The following DPRX variants were observed in gnomAD, a reference collection of about 807,000 sequenced individuals.
DPRX encodes the protein divergent-paired related homeobox.
Under a neutral mutation model 8.4 loss-of-function variants are expected in DPRX, and 11 were observed. That is an observed-to-expected ratio of 1.31 (90% CI 0.82 to 2.17). DPRX has a LOEUF of 2.17. Among genes scored for constraint, DPRX ranks in the 30% most tolerant of loss-of-function variants. DPRX has a pLI of 0.00. For synonymous variants in DPRX, 72 were observed against 87.0 expected (o/e 0.83, Z 0.96); for missense variants, 211 against 236.7 (o/e 0.89, Z 0.71).
the DPRX span, among the ~76,000 whole-genome samples, chr19:53,611,256 T>C: frequency 6.6e-6 from 1 of 151,890 alleles, no homozygotes; most frequent in Non-Finnish European, 1.5e-5. Context: ...CAAAAAGTGC[T>C]CTCATGATAA....
chr19:53,611,525 G>A, the DPRX span, among the ~76,000 whole-genome samples: 4 of 152,154 alleles, frequency 2.6e-5, no homozygotes, highest in Middle Eastern at 3.4e-3. Context: ...GAGCCTCCGC[G>A]CCTGGCCCTA....
At chr19:53,634,554 A>G (rs200068987) in exon 2 of DPRX, 1 of 1,613,594 alleles carries the variant, frequency 6.2e-7, no homozygotes, top group Non-Finnish European at 8.5e-7. Flanking sequence ...GCATTCACAC[A>G]GGAAACGAAC....
the DPRX span, among the ~76,000 whole-genome samples, chr19:53,619,719 G>A: frequency 6.6e-6 from 1 of 151,174 alleles, no homozygotes; most frequent in African/African-American, 2.4e-5. Context: ...GCTGGGCCTG[G>A]TGGCAGACGC....
the DPRX span, among the ~76,000 whole-genome samples, chr19:53,624,829 C>CAA: frequency 0.019 from 1,698 of 87,498 alleles, 48 homozygotes; most frequent in African/African-American, 0.047. Context: ...GCGACAGTCA[C>CAA]AAAAAAAAAA....
At chr19:53,628,413 G>A (rs1340233787), upstream of DPRX, among the ~76,000 whole-genome samples, 2 of 152,218 alleles carry the variant, frequency 1.3e-5, no homozygotes, top group East Asian at 3.9e-4. Flanking sequence ...CAGCATGAGG[G>A]AAAGCAGGTC....
the DPRX span, among the ~76,000 whole-genome samples, chr19:53,623,961 T>A: frequency 1.8e-5 from 2 of 109,504 alleles, no homozygotes; most frequent in Non-Finnish European, 4.2e-5. Context: ...AAAAAATAAA[T>A]AAATAAATAA....
upstream of DPRX, chr19:53,629,763 G>C (rs980020223): frequency 6.6e-6 from 1 of 151,950 alleles, no homozygotes; most frequent in Non-Finnish European, 1.5e-5. Flanking sequence ...GGAGGCTGAG[G>C]CGGGAGGATG....
chr19:53,616,630 T>C, the DPRX span, among the ~76,000 whole-genome samples: 2 of 152,192 alleles, frequency 1.3e-5, no homozygotes, highest in Admixed American at 1.3e-4. Flanking sequence ...GGTGCATGCC[T>C]GTAATTCCGG....
chr19:53,620,571 G>C, the DPRX span, among the ~76,000 whole-genome samples: 1 of 151,480 alleles, frequency 6.6e-6, no homozygotes, highest in African/African-American at 2.4e-5. Flanking sequence ...CACCATGTTG[G>C]TCAGGCTGGT....
chr19:53,627,552 T>G (rs1310832786), upstream of DPRX, among the ~76,000 whole-genome samples: 7 of 149,870 alleles, frequency 4.7e-5, no homozygotes, highest in African/African-American at 1.5e-4. Flanking sequence ...TTCTCCTGCC[T>G]CAGCCTCCCC....
the DPRX span, among the ~76,000 whole-genome samples, chr19:53,618,615 TAAAAA>T: frequency 9.7e-6 from 1 of 102,804 alleles, no homozygotes. Context: ...ACCCCATCTC[TAAAAA>T]AAAAAAAAAA....
At chr19:53,613,441 A>C in the DPRX span, among the ~76,000 whole-genome samples, 1 of 151,792 alleles carries the variant, frequency 6.6e-6, no homozygotes, top group Non-Finnish European at 1.5e-5. Flanking sequence ...TTCACCTCCC[A>C]GGTTCTAGCA....
intron 2 of DPRX, among the ~76,000 whole-genome samples, chr19:53,634,946 C>CA (rs1334974897): frequency 3.9e-5 from 6 of 152,164 alleles, no homozygotes; most frequent in Non-Finnish European, 5.9e-5. Flanking sequence ...ACTATGCCAC[C>CA]ACAGTGCGAA....
the DPRX span, chr19:53,616,714 A>T: frequency 1.8e-6 from 2 of 1,114,330 alleles, no homozygotes; most frequent in Non-Finnish European, 2.5e-6. Context: ...AGATCGCACC[A>T]TTGCATTCCA....
At chr19:53,634,953 C>T (rs924973228) in intron 2 of DPRX, among the ~76,000 whole-genome samples, 5 of 152,274 alleles carry the variant, frequency 3.3e-5, no homozygotes, top group African/African-American at 9.6e-5. Flanking sequence ...CACCACAGTG[C>T]GAAGGCAGCC....
the DPRX span, among the ~76,000 whole-genome samples, chr19:53,609,418 GA>G: frequency 7.9e-6 from 1 of 127,300 alleles, no homozygotes; most frequent in Non-Finnish European, 1.6e-5. Flanking sequence ...TGTGAGCCAA[GA>G]CCACACCACT....
At chr19:53,633,750 C>T (rs977240586) in intron 1 of DPRX, among the ~76,000 whole-genome samples, 5 of 152,020 alleles carry the variant, frequency 3.3e-5, no homozygotes, top group African/African-American at 9.7e-5. Context: ...CCTCATGATC[C>T]GCCCGCCTTG....
exon 2 of DPRX, chr19:53,634,668 C>A: frequency 6.2e-7 from 1 of 1,613,820 alleles, no homozygotes; most frequent in South Asian, 1.1e-5. Flanking sequence ...AATAGACATA[C>A]ACCCAACAGT....
the DPRX span, among the ~76,000 whole-genome samples, chr19:53,615,336 A>T: frequency 1.8e-4 from 28 of 151,938 alleles, no homozygotes; most frequent in African/African-American, 5.3e-4. Context: ...GCTGGAGTGC[A>T]GTGGCGTGAT....
Sources: allele counts gnomAD v4.1 joint callset (sites outside exome capture counted in the v4.1 genomes callset), GRCh38; gene constraint gnomAD v4.1.1; transcripts MANE v1.5; gene names NCBI Gene and HGNC (gene_info 2026-07-23, HGNC 2026-07-21).